Variants in MBD5 observed in about 807,000 individuals in gnomAD.
MBD5 encodes methyl-CpG-binding domain protein 5.
In MBD5, 13 loss-of-function variants were observed where a neutral mutation model predicts 117.3. The ratio of observed to expected loss-of-function variants is 0.11; its 90% CI spans 0.07 to 0.18. The LOEUF (loss-of-function observed/expected upper bound fraction) is 0.18, where lower values mean the gene tolerates loss of function less well. Among genes scored for constraint, MBD5 ranks in the 10% least tolerant of loss-of-function variants. The pLI is 1.00. For missense variants in MBD5, 1,879 were observed against 2,093.8 expected (o/e 0.90, Z 2.00); for synonymous variants, 727 against 766.4 (o/e 0.95, Z 0.85).
At chr2:148,244,084 A>G (rs926352905) in intron 3 of MBD5, 1 of 150,956 alleles carries the variant, frequency 6.6e-6, no homozygotes, top group African/African-American at 2.4e-5. Flanking sequence ...GAGCCTATGT[A>G]TGTATGTTAA....
chr2:148,143,482 T>C (rs1697367043), intron 1 of MBD5, among the ~76,000 whole-genome samples: 1 of 152,228 alleles, frequency 6.6e-6, no homozygotes, highest in African/African-American at 2.4e-5. Flanking sequence ...GAAATCAATT[T>C]TTTTTAATTA....
intron 4 of MBD5, among the ~76,000 whole-genome samples, chr2:148,444,206 G>A (rs1446553): frequency 0.28 from 41,645 of 150,994 alleles, 6,891 homozygotes; most frequent in African/African-American, 0.39. Context: ...GACTTCTTTT[G>A]TTAAAGGACA....
chr2:148,230,679 C>CA (rs1188374766), intron 2 of MBD5, among the ~76,000 whole-genome samples: 1 of 152,020 alleles, frequency 6.6e-6, no homozygotes, highest in Non-Finnish European at 1.5e-5. Flanking sequence ...CAGCAAGTCT[C>CA]AGAGTCTCAC....
At chr2:148,338,328 C>T (rs1031440503) in intron 3 of MBD5, among the ~76,000 whole-genome samples, 3 of 151,874 alleles carry the variant, frequency 2.0e-5, no homozygotes, top group African/African-American at 7.3e-5. Context: ...GTTATATTTG[C>T]TTAATCTCCT....
chr2:148,182,725 C>T (rs1698559169), intron 2 of MBD5, among the ~76,000 whole-genome samples: 1 of 152,210 alleles, frequency 6.6e-6, no homozygotes, highest in South Asian at 2.1e-4. Context: ...TTCTTCCACT[C>T]CCCTTCCAAT....
At chr2:148,244,297 A>G (rs1457536930) in intron 3 of MBD5, 1 of 152,106 alleles carries the variant, frequency 6.6e-6, no homozygotes, top group African/African-American at 2.4e-5. Context: ...TATAGTGGCT[A>G]TAAGAGTTTA....
At chr2:148,374,557 A>G (rs1210990278) in intron 4 of MBD5, among the ~76,000 whole-genome samples, 1 of 152,218 alleles carries the variant, frequency 6.6e-6, no homozygotes, top group Non-Finnish European at 1.5e-5. Flanking sequence ...TTAAAGTGAT[A>G]TTAAAGAAAA....
intron 1 of MBD5, among the ~76,000 whole-genome samples, chr2:148,176,884 A>C (rs943150647): frequency 1.2e-4 from 18 of 152,052 alleles, no homozygotes; most frequent in African/African-American, 4.3e-4. Flanking sequence ...GACAAAAAAA[A>C]AAAAAAAATT....
chr2:148,219,566 G>A (rs1699634134), intron 2 of MBD5, among the ~76,000 whole-genome samples: 2 of 152,132 alleles, frequency 1.3e-5, no homozygotes, highest in African/African-American at 4.8e-5. Context: ...TGTAAGGTTA[G>A]TGTATGTAAA....
chr2:148,259,686 G>C (rs1700685227), intron 3 of MBD5, among the ~76,000 whole-genome samples: 1 of 152,078 alleles, frequency 6.6e-6, no homozygotes, highest in Non-Finnish European at 1.5e-5. Context: ...GCATTACCGG[G>C]GTAATTATAC....
intron 2 of MBD5, among the ~76,000 whole-genome samples, chr2:148,226,358 T>C (rs558122202): frequency 6.6e-6 from 1 of 151,972 alleles, no homozygotes; most frequent in Non-Finnish European, 1.5e-5. Context: ...TGAGAACATG[T>C]GGTGTTTGGT....
At position 148,498,616 on chromosome 2, in the gene MBD5, G is replaced by T. The variant is rs958776577; in HGVS notation, c.4963-3820G>T. ...CTCCCAAAGTGCTGGGATTACAGGC[G>T]TGAGCCACCATCCCCAGTCAGATCC... is the stretch of plus-strand genomic sequence containing the variant. On this transcript the variant is annotated intron_variant, in intron 11 of 13. Transcript: ENST00000642680. 3.3e-5 allele frequency among the ~76,000 whole-genome samples: 5 copies of T among 152,122 alleles called. No individual in the cohort carries two copies. The East Asian group carries it at 7.7e-4, about 23-fold the overall frequency.
rs192272250 is a variant in MBD5 at position 148,261,192 on chromosome 2, A to G, written c.-680+27797A>G. ...GGTTAATGACCATTGGCTTCAACCT[A>G]AAATCACCAACTGCATTAGCCTCTA... is the stretch of plus-strand genomic sequence containing the variant. On this transcript the variant is annotated intron_variant, in intron 3 of 13. Transcript: ENST00000642680. Among the ~76,000 whole-genome samples, 11 of 152,332 alleles carry G rather than the reference A, an allele frequency of 7.2e-5. No homozygotes were observed. In the East Asian group the frequency reaches 2.1e-3, roughly 29 times the overall value.
chr2:148,065,568 A>G (rs1459717265), intron 1 of MBD5, among the ~76,000 whole-genome samples: 1 of 152,214 alleles, frequency 6.6e-6, no homozygotes, highest in East Asian at 1.9e-4. Context: ...CAAAAAAATC[A>G]AACTCAGAAA....
At chr2:148,290,643 C>G (rs1701479376) in intron 3 of MBD5, among the ~76,000 whole-genome samples, 1 of 152,128 alleles carries the variant, frequency 6.6e-6, no homozygotes, top group African/African-American at 2.4e-5. Context: ...TTTCCTTTTA[C>G]TCAGTACAGT....
chr2:148,201,487 G>A (rs1699141556), intron 2 of MBD5, among the ~76,000 whole-genome samples: 5 of 152,174 alleles, frequency 3.3e-5, no homozygotes. Context: ...CTGTCAGCCC[G>A]GTTGCCCTGC....
At chr2:148,111,094 G>A (rs1342654540) in intron 1 of MBD5, among the ~76,000 whole-genome samples, 2 of 152,114 alleles carry the variant, frequency 1.3e-5, no homozygotes, top group East Asian at 3.8e-4. Context: ...CAAAAACTGA[G>A]GAGACATGTC....
At chr2:148,434,691 G>A (rs1434038419) in intron 4 of MBD5, among the ~76,000 whole-genome samples, 2 of 152,154 alleles carry the variant, frequency 1.3e-5, no homozygotes, top group Non-Finnish European at 2.9e-5. Flanking sequence ...ATCCATTTTA[G>A]AGTATGTGTC....
intron 12 of MBD5, among the ~76,000 whole-genome samples, chr2:148,503,718 C>T (rs577916232): frequency 1.3e-5 from 2 of 152,302 alleles, no homozygotes; most frequent in South Asian, 4.1e-4. Context: ...CCCTCTAGAC[C>T]TGATAAGGAA....
Sources: allele counts gnomAD v4.1 joint callset (sites outside exome capture counted in the v4.1 genomes callset), GRCh38; gene constraint gnomAD v4.1.1; transcripts MANE v1.5; gene names NCBI Gene and HGNC (gene_info 2026-07-23, HGNC 2026-07-21).